CACNG3: variants seen among roughly 807,000 people sequenced by gnomAD.
CACNG3 encodes voltage-dependent calcium channel gamma-3 subunit.
A neutral mutation model predicts 28.5 loss-of-function variants in CACNG3; 3 were observed. That is an observed-to-expected ratio of 0.11 (90% confidence interval 0.05 to 0.27). CACNG3 has a LOEUF of 0.27. CACNG3 is among the 10% of genes least tolerant of loss of function. The pLI is 1.00. For synonymous variants in CACNG3, 174 were observed against 162.2 expected, an observed-to-expected ratio of 1.07 and a Z score of -0.55; for missense variants, 236 against 414.4, an observed-to-expected ratio of 0.57 and a Z score of 3.74.
At position 24,323,201 on chromosome 16, in the gene CACNG3, G is replaced by A. The variant is rs565734243; in HGVS notation, c.212-23533G>A. Among the ~76,000 whole-genome samples the A allele has an allele frequency of 3.0e-5, 4 of 134,048 alleles. No individual in the cohort carries two copies. In the South Asian group the frequency reaches 9.7e-4, roughly 32 times the overall value. The allele number at this position is 134,048 out of a possible 152,430, so 87.9% of individuals were successfully genotyped here. ...ATAATTGAGCCACTACATTCAGCCT[G>A]GGCCACAGAGCAGGACTCAAAAAAA... On this transcript the variant is annotated intron_variant, in intron 1 of 3. Coordinates refer to ENST00000005284, the MANE Select transcript of CACNG3 (RefSeq NM_006539.4).
chr16:24,296,941 G>A (rs1899039252), intron 1 of CACNG3, among the ~76,000 whole-genome samples: 1 of 152,190 alleles, frequency 6.6e-6, no homozygotes, highest in South Asian at 2.1e-4. Flanking sequence ...AGTCCTGGCT[G>A]TGCAGGAGGT....
intron 1 of CACNG3, among the ~76,000 whole-genome samples, chr16:24,261,602 T>C (rs1487994148): frequency 6.6e-6 from 1 of 152,230 alleles, no homozygotes; most frequent in East Asian, 1.9e-4. Context: ...TCTGATGTTT[T>C]TATATTTGAT....
At chr16:24,319,328 G>A (rs1177151255) in intron 1 of CACNG3, among the ~76,000 whole-genome samples, 2 of 152,220 alleles carry the variant, frequency 1.3e-5, no homozygotes, top group African/African-American at 2.4e-5. Flanking sequence ...TTTTGAGATA[G>A]TTATCCTTGG....
At chr16:24,352,602 G>A (rs753818334) in intron 2 of CACNG3, among the ~76,000 whole-genome samples, 1 of 150,474 alleles carries the variant, frequency 6.6e-6, no homozygotes, top group Non-Finnish European at 1.5e-5. Flanking sequence ...GCAGTGGTAC[G>A]ATCTCAGCTC....
At chr16:24,257,560 G>A (rs1452734250) in intron 1 of CACNG3, among the ~76,000 whole-genome samples, 1 of 152,056 alleles carries the variant, frequency 6.6e-6, no homozygotes, top group African/African-American at 2.4e-5. Context: ...GGTAACATAT[G>A]TAAACCCCTA....
chr16:24,293,957 A>G (rs1898998060), intron 1 of CACNG3, among the ~76,000 whole-genome samples: 1 of 152,134 alleles, frequency 6.6e-6, no homozygotes, highest in African/African-American at 2.4e-5. Context: ...GTTTCATTCC[A>G]GTCCCCTTGC....
At chr16:24,317,953 G>A (rs928642792) in intron 1 of CACNG3, among the ~76,000 whole-genome samples, 1 of 152,240 alleles carries the variant, frequency 6.6e-6, no homozygotes, top group South Asian at 2.1e-4. Flanking sequence ...ATGCTCTCCC[G>A]CTCATCTTAA....
At chr16:24,337,778 G>A (rs1899731292) in intron 1 of CACNG3, among the ~76,000 whole-genome samples, 1 of 151,836 alleles carries the variant, frequency 6.6e-6, no homozygotes. Context: ...AGTTCTTTCA[G>A]TTACCCCAAA....
At chr16:24,308,526 G>A (rs1899215490) in intron 1 of CACNG3, among the ~76,000 whole-genome samples, 1 of 152,044 alleles carries the variant, frequency 6.6e-6, no homozygotes, top group East Asian at 1.9e-4. Context: ...AAATCTTCTT[G>A]TGCAGGCCTG....
intron 2 of CACNG3, 21 bp downstream of exon 2, chr16:24,346,838 G>A (rs772990500): frequency 1.9e-6 from 3 of 1,598,402 alleles, no homozygotes; most frequent in Non-Finnish European, 2.6e-6. Flanking sequence ...CGGCTTCTCG[G>A]GTCTCTCTGG....
At chr16:24,307,665 G>A (rs1899203644) in intron 1 of CACNG3, among the ~76,000 whole-genome samples, 1 of 152,204 alleles carries the variant, frequency 6.6e-6, no homozygotes, top group African/African-American at 2.4e-5. Context: ...ATGCTCCACT[G>A]TAAACTCTAC....
At chr16:24,325,412 A>C (rs1038629199) in intron 1 of CACNG3, among the ~76,000 whole-genome samples, 2 of 151,982 alleles carry the variant, frequency 1.3e-5, no homozygotes, top group Non-Finnish European at 2.9e-5. Flanking sequence ...CCTTTAGCCC[A>C]CTCTATTCTC....
intron 1 of CACNG3, among the ~76,000 whole-genome samples, chr16:24,319,963 G>A (rs545709738): frequency 7.2e-5 from 11 of 152,264 alleles, no homozygotes; most frequent in Non-Finnish European, 1.2e-4. Context: ...TAGAGATGGG[G>A]TTTCACCATG....
At chr16:24,307,997 A>C (rs1028571688) in intron 1 of CACNG3, among the ~76,000 whole-genome samples, 9 of 152,096 alleles carry the variant, frequency 5.9e-5, no homozygotes, top group Admixed American at 1.3e-4. Flanking sequence ...CAATGGTGCA[A>C]GATCTGTGCT....
At chr16:24,332,635 G>T (rs1899645973) in intron 1 of CACNG3, among the ~76,000 whole-genome samples, 1 of 152,122 alleles carries the variant, frequency 6.6e-6, no homozygotes, top group Non-Finnish European at 1.5e-5. Context: ...CAGGGGCCAA[G>T]CTCAGCTCAG....
chr16:24,310,250 C>G (rs1899242373), intron 1 of CACNG3, among the ~76,000 whole-genome samples: 1 of 152,184 alleles, frequency 6.6e-6, no homozygotes, highest in African/African-American at 2.4e-5. Context: ...AGTGAGTCAG[C>G]AATGAAAATA....
At chr16:24,285,490 C>T (rs116722833) in intron 1 of CACNG3, among the ~76,000 whole-genome samples, 1,778 of 152,162 alleles carry the variant, frequency 0.012, 30 homozygotes, top group African/African-American at 0.041. Context: ...ACCCTCAAAA[C>T]GTACACACAT....
chr16:24,346,630 C>T (rs1899871197), intron 1 of CACNG3, 104 bp from the exon 2 acceptor site: 2 of 765,396 alleles, frequency 2.6e-6, no homozygotes, highest in South Asian at 1.6e-5. Flanking sequence ...CCCTACAGCC[C>T]CCAACAACCA....
intron 1 of CACNG3, among the ~76,000 whole-genome samples, chr16:24,314,042 C>A (rs2141366154): frequency 6.6e-6 from 1 of 152,170 alleles, no homozygotes; most frequent in Non-Finnish European, 1.5e-5. Context: ...TCACACCTGG[C>A]CTTATGTTTT....
Sources: gnomAD v4.1 joint callset for allele counts (sites outside exome capture counted in the v4.1 genomes callset) on GRCh38, gnomAD v4.1.1 for gene constraint, MANE v1.5 for transcripts, NCBI Gene and HGNC (gene_info 2026-07-23, HGNC 2026-07-21) for gene names.